Variants in URI1 observed in about 807,000 individuals in gnomAD.
URI1 encodes unconventional prefoldin RPB5 interactor 1.
URI1 carries 39 observed loss-of-function variants against 60.2 expected under a neutral mutation model. The observed-to-expected ratio is 0.65, with a 90% confidence interval of 0.50 to 0.85. The LOEUF is 0.85. URI1 is among the 40% of genes least tolerant of loss of function. The probability of loss-of-function intolerance (pLI) is 0.00; values close to 1 mark genes in which losing one functional copy is unlikely to be tolerated. For synonymous variants in URI1, 251 were observed against 236.8 expected, an observed-to-expected ratio of 1.06 and a Z score of -0.55; for missense variants, 691 against 665.9, an observed-to-expected ratio of 1.04 and a Z score of -0.42.
intron 6 of URI1, among the ~76,000 whole-genome samples, chr19:30,006,740 A>G (rs2055947922): frequency 6.6e-6 from 1 of 152,074 alleles, no homozygotes; most frequent in Non-Finnish European, 1.5e-5. Flanking sequence ...ACTTCTTCCC[A>G]TTACTTTCCC....
chr19:29,962,621 C>G (rs1170666166), intron 1 of URI1, among the ~76,000 whole-genome samples: 1 of 148,448 alleles, frequency 6.7e-6, no homozygotes, highest in East Asian at 2.0e-4. Flanking sequence ...TATCCTGTAC[C>G]TTTACTCTTC....
intron 2 of URI1, among the ~76,000 whole-genome samples, chr19:29,983,678 G>C (rs1032426095): frequency 1.3e-5 from 2 of 152,116 alleles, no homozygotes; most frequent in African/African-American, 2.4e-5. Context: ...ATCTTAGCAG[G>C]GAACCCTTTG....
chr19:29,956,221 T>A (rs1256431842), intron 1 of URI1: 2 of 462,300 alleles, frequency 4.3e-6, no homozygotes, highest in Non-Finnish European at 7.6e-6. Context: ...CCTCAGGTGA[T>A]CCACCTGTCT....
intron 3 of URI1, among the ~76,000 whole-genome samples, chr19:29,985,820 A>G (rs2055661248): frequency 6.6e-6 from 1 of 152,194 alleles, no homozygotes; most frequent in South Asian, 2.1e-4. Flanking sequence ...TAGTCCAAGT[A>G]TTTTGTATAT....
chr19:29,968,648 T>C (rs901110776), intron 1 of URI1, among the ~76,000 whole-genome samples: 6 of 136,950 alleles, frequency 4.4e-5, no homozygotes, highest in African/African-American at 1.3e-4. Flanking sequence ...CTCGGCTCAC[T>C]GCAAGCTCTG....
chr19:29,964,464 G>GTTTTT (rs373357906), intron 1 of URI1, among the ~76,000 whole-genome samples: 16 of 124,626 alleles, frequency 1.3e-4, no homozygotes, highest in East Asian at 2.3e-4. Flanking sequence ...TTTTTGTTTT[G>GTTTTT]TTTTTTTTTT....
intron 1 of URI1, among the ~76,000 whole-genome samples, chr19:29,937,172 A>G (rs1296090297): frequency 6.6e-6 from 1 of 152,058 alleles, no homozygotes; most frequent in Non-Finnish European, 1.5e-5. Flanking sequence ...CTCTCTAGTG[A>G]ATTTCTAAGT....
At chr19:29,974,373 GGA>G (rs2055495833) in intron 2 of URI1, among the ~76,000 whole-genome samples, 1 of 151,702 alleles carries the variant, frequency 6.6e-6, no homozygotes, top group South Asian at 2.1e-4. Flanking sequence ...TTGTCATGAT[GGA>G]GAGAGAGTTG....
rs775528224 is a variant in URI1, at chr19:29,999,429, G to GT, written c.368-5928dup. Among the ~76,000 whole-genome samples the GT allele has an allele frequency of 2.0e-5, 3 of 152,146 alleles. No homozygotes were observed. The East Asian group carries it at 5.8e-4, about 29-fold the overall frequency. ...TTCCCCTCATTTTTAAAAGACTGTT[G>GT]TTTTGCTAAACATAGAATTCTTGGA... On this transcript the variant is annotated intron_variant, in intron 4 of 10. Coordinates refer to ENST00000392271, the MANE Select transcript of URI1 (RefSeq NM_003796.3).
intron 4 of URI1, among the ~76,000 whole-genome samples, chr19:29,989,121 T>A (rs2055710311): frequency 2.6e-5 from 4 of 152,150 alleles, no homozygotes; most frequent in Admixed American, 6.5e-5. Flanking sequence ...TTTTTTTTTT[T>A]ATTTTTTGAG....
At position 29,942,657 on chromosome 19, in the gene URI1, A is replaced by C; in HGVS notation, c.110A>C (p.Gln37Pro). 1.4e-6 allele frequency: 2 copies of C among 1,426,672 alleles called. No individual in the cohort carries two copies. Among genetic ancestry groups the C allele is most frequent in the Non-Finnish European group, 1.8e-6 (2 of 1,087,666 alleles). 88.4% of individuals were successfully genotyped at this position (1,426,672 alleles called of 1,614,324 possible). A position where few individuals can be genotyped will look rare whatever the true frequency, so the allele number is the denominator to read the frequency against. ...APDVARLREE[Q>P]EKVVTNCQER... ...GATGTGGCGCGGCTGCGCGAGGAGC[A>C]GGAAAAGGTAACTAGCAGCCCCGCG... Residue 37 changes from glutamine to proline, a missense_variant, in exon 1 of 11, where the codon CAG becomes CCG. By Grantham distance (76) the Gln-to-Pro change is moderately conservative (BLOSUM62 -1). Coordinates refer to ENST00000392271, the MANE Select transcript of URI1 (RefSeq NM_003796.3).
At chr19:30,007,712 TAATAA>T in intron 7 of URI1, 74 bp downstream of exon 7, 1 of 1,296,124 alleles carries the variant, frequency 7.7e-7, no homozygotes. Flanking sequence ...TTTTCTTCAT[TAATAA>T]AATAATATGT....
At chr19:29,942,212 C>T (rs1021320196), upstream of URI1, 38 of 984,664 alleles carry the variant, frequency 3.9e-5, no homozygotes, top group Non-Finnish European at 4.6e-5. Flanking sequence ...TGCGCGCTTG[C>T]TTCCGGCGTG....
chr19:29,987,379 C>T (rs1387551482), intron 4 of URI1, among the ~76,000 whole-genome samples: 1 of 151,884 alleles, frequency 6.6e-6, no homozygotes, highest in Non-Finnish European at 1.5e-5. Flanking sequence ...TTTGGAGACT[C>T]TAATTGCAAA....
upstream of URI1, among the ~76,000 whole-genome samples, chr19:29,939,226 C>T (rs550120719): frequency 6.6e-6 from 1 of 151,962 alleles, no homozygotes; most frequent in Non-Finnish European, 1.5e-5. Context: ...ATTTGCCTGC[C>T]TTGGCCTCCC....
intron 1 of URI1, among the ~76,000 whole-genome samples, chr19:29,936,646 T>C (rs2054975518): frequency 6.6e-6 from 1 of 152,236 alleles, no homozygotes; most frequent in African/African-American, 2.4e-5. Flanking sequence ...TTCTTCAAAT[T>C]TCTTTTTCTG....
chr19:29,942,526 CGCT>C lies in URI1; in HGVS notation c.-20_-18del. 7.3e-7 allele frequency: 1 copy of C among 1,370,568 alleles called. No homozygotes were observed. Among genetic ancestry groups the C allele is most frequent in the Non-Finnish European group, 9.4e-7 (1 of 1,060,982 alleles). The allele number at this position is 1,370,568 out of a possible 1,614,324, so 84.9% of individuals were successfully genotyped here. ...GCGCTGGTTCAGGACTCACACGCCG[CGCT>C]GAGGCCCGCGGGCCCGTCATGGAGG... is the stretch of plus-strand genomic sequence containing the variant. On this transcript the variant is annotated 5_prime_UTR_variant, in exon 1 of 11. The change abolishes the stop of an existing upstream ORF in the 5' untranslated region. Transcript: ENST00000392271.
chr19:30,012,164 TAA>T (rs2056028990), intron 9 of URI1, 119 bp from the exon 10 acceptor site: 3 of 1,178,806 alleles, frequency 2.5e-6, no homozygotes, highest in Admixed American at 2.6e-5. Flanking sequence ...ATTTTAGATA[TAA>T]GATTGTAATA....
intron 7 of URI1, among the ~76,000 whole-genome samples, 177 bp from the exon 8 acceptor site, chr19:30,008,828 G>A (rs1403163713): frequency 6.6e-6 from 1 of 151,952 alleles, no homozygotes; most frequent in African/African-American, 2.4e-5. Flanking sequence ...AAGCAGCATA[G>A]GAACTGTTTT....
Sources: gnomAD v4.1 joint callset for allele counts (sites outside exome capture counted in the v4.1 genomes callset) on GRCh38, gnomAD v4.1.1 for gene constraint, MANE v1.5 for transcripts, NCBI Gene and HGNC (gene_info 2026-07-23, HGNC 2026-07-21) for gene names.